The following PIK3AP1 variants were observed in gnomAD, a reference collection of about 807,000 sequenced individuals.
PIK3AP1 encodes the protein phosphoinositide-3-kinase adaptor protein 1.
A neutral mutation model predicts 88.1 loss-of-function variants in PIK3AP1; 21 were observed. The ratio of observed to expected loss-of-function variants is 0.24; its 90% CI spans 0.17 to 0.34. The LOEUF is 0.34. Ranked by LOEUF, PIK3AP1 falls within the 10% of genes least tolerant of loss-of-function variation. The probability of loss-of-function intolerance (pLI) is 1.00; values close to 1 mark genes in which losing one functional copy is unlikely to be tolerated. For synonymous variants in PIK3AP1, 398 were observed against 400.0 expected, an observed-to-expected ratio of 1.00 and a Z score of 0.06; for missense variants, 828 against 1,035.7, an observed-to-expected ratio of 0.80 and a Z score of 2.75.
intron 11 of PIK3AP1, among the ~76,000 whole-genome samples, chr10:96,621,864 T>G (rs1843088676): frequency 6.6e-6 from 1 of 152,238 alleles, no homozygotes; most frequent in Admixed American, 6.5e-5. Context: ...CATCCCTGGC[T>G]TCTACCCATT....
Position 96,595,526 on chromosome 10 carries a change from G to A in PIK3AP1, c.*51C>T. 1 of 1,523,952 alleles carries A rather than the reference G, an allele frequency of 6.6e-7. No individual in the cohort carries two copies. Among genetic ancestry groups the A allele is most frequent in the Middle Eastern group, 1.7e-4 (1 of 5,910 alleles). The allele number at this position is 1,523,952 out of a possible 1,614,324, so 94.4% of individuals were successfully genotyped here. A position where few individuals can be genotyped will look rare whatever the true frequency, so the allele number is the denominator to read the frequency against. On this transcript the variant is annotated 3_prime_UTR_variant, in exon 17 of 17. Coordinates refer to ENST00000339364, the MANE Select transcript of PIK3AP1 (RefSeq NM_152309.3). Reference sequence around the variant, plus strand: ...AACATGAAGACATCATTAACAGGCTGAAGACTGTGAGTCTTAAAGTCCTGA... The same window carrying A: ...AACATGAAGACATCATTAACAGGCTAAAGACTGTGAGTCTTAAAGTCCTGA...
In PIK3AP1 at chr10:96,709,716, G is replaced by A. The variant is rs2134291252; in HGVS notation, c.281C>T (p.Pro94Leu). 3 of 1,614,216 alleles carry A rather than the reference G, an allele frequency of 1.9e-6. No individual in the cohort carries two copies. The highest frequency in any genetic ancestry group is 2.5e-6 in the Non-Finnish European group (3 of 1,180,030). Residue 94 changes from proline (P) to leucine (L), a missense_variant, in exon 2 of 17, where the codon CCT becomes CTT. Transcript: ENST00000339364. ...GAGCAGCCTGACCACGCGGTGCGGA[G>A]GATGGAAAGCTCTCTGCAGCAGGGG... ...LLPLLQRAFHPPHRVVRLLCG... is the reference protein window; with the variant it reads ...LLPLLQRAFHLPHRVVRLLCG...
At chr10:96,629,660 T>C (rs1843210331) in intron 8 of PIK3AP1, among the ~76,000 whole-genome samples, 1 of 136,440 alleles carries the variant, frequency 7.3e-6, no homozygotes, top group African/African-American at 2.8e-5. Flanking sequence ...GAAGGATCAC[T>C]TGAGCCTAGG....
chr10:96,620,488 G>A lies in PIK3AP1; in HGVS notation c.1805C>T (p.Thr602Met), dbSNP rs1018719222. 3 of 1,613,912 alleles carry A rather than the reference G, an allele frequency of 1.9e-6. No homozygotes were observed. Among genetic ancestry groups the A allele is most frequent in the Non-Finnish European group, 8.5e-7 (1 of 1,180,030 alleles). Reference sequence around the variant, plus strand: ...GGTGATAAGCTGCCGCTGGCCTGGCGTTTTCATTCCCGCAAAAGGGTCATA... The same window carrying A: ...GGTGATAAGCTGCCGCTGGCCTGGCATTTTCATTCCCGCAAAAGGGTCATA... ...SIYDPFAGMK[T>M]PGQRQLITLQ... The change falls in exon 12 of 17, where the codon ACG becomes ATG. Residue 602 changes from threonine (T) to methionine (M), a missense_variant. Physicochemically the swap from Thr to Met is moderately conservative, Grantham distance 81 (BLOSUM62 -1). This residue lies in a region of PIK3AP1 where 27 missense variants were observed against 67.1 expected (regional missense o/e 0.40). Transcript: ENST00000339364.
chr10:96,616,543 G>A, intron 13 of PIK3AP1, 96 bp downstream of exon 13: 2 of 1,275,092 alleles, frequency 1.6e-6, no homozygotes, highest in Non-Finnish European at 2.3e-6. Flanking sequence ...TGCTGGGCAA[G>A]TGGTCTGCCC....
At chr10:96,651,143 C>T (rs1843531288) in intron 6 of PIK3AP1, 105 bp downstream of exon 6, 9 of 1,451,982 alleles carry the variant, frequency 6.2e-6, no homozygotes, top group Admixed American at 1.8e-5. Context: ...AGAAGGGACC[C>T]AGAAGAGTTA....
chr10:96,621,305 C>T (rs1291964603), intron 11 of PIK3AP1: 3 of 153,408 alleles, frequency 2.0e-5, no homozygotes, highest in Non-Finnish European at 4.4e-5. Flanking sequence ...CCTTGGAGTG[C>T]TTAATACCCA....
Position 96,628,486 on chromosome 10 carries a change from T to G in PIK3AP1, c.1383A>C (p.Glu461Asp), listed in dbSNP as rs1367352115. Reference sequence around the variant, plus strand: ...GGTTAGATGTACTGGCCTGAAGCATTTCAACATCTAGAAGGAAAAGGAGAC... The same window carrying G: ...GGTTAGATGTACTGGCCTGAAGCATGTCAACATCTAGAAGGAAAAGGAGAC... ...VPAATEDLYV[E>D]MLQASTSNPI... Residue 461 changes from glutamate to aspartate, a missense_variant, in exon 9 of 17, where the codon GAA (glutamate) becomes GAC (aspartate). Around this residue, in one of 3 missense-constraint regions of PIK3AP1, gnomAD observed 610 missense variants for 760.1 expected, o/e 0.80. Coordinates refer to ENST00000339364, the MANE Select transcript of PIK3AP1 (RefSeq NM_152309.3). The G allele has an allele frequency of 1.2e-6, 2 of 1,610,318 alleles. No homozygotes were observed. The highest frequency in any genetic ancestry group is 1.7e-6 in the Non-Finnish European group (2 of 1,176,590).
At chr10:96,660,746 G>C (rs1470987645) in intron 2 of PIK3AP1, among the ~76,000 whole-genome samples, 1 of 152,134 alleles carries the variant, frequency 6.6e-6, no homozygotes, top group African/African-American at 2.4e-5. Flanking sequence ...CCAAAACTTG[G>C]AAGTGACCAA....
intron 8 of PIK3AP1, among the ~76,000 whole-genome samples, chr10:96,629,836 A>G (rs1010201017): frequency 2.7e-5 from 4 of 146,438 alleles, no homozygotes; most frequent in African/African-American, 1.0e-4. Context: ...CAAGGCAGCA[A>G]TGAACTGTGA....
intron 2 of PIK3AP1, among the ~76,000 whole-genome samples, chr10:96,686,444 A>G (rs1330414754): frequency 6.6e-6 from 1 of 152,218 alleles, no homozygotes; most frequent in Non-Finnish European, 1.5e-5. Context: ...TTACCCGTGG[A>G]TGTACCGCAA....
At chr10:96,700,900 G>T in intron 2 of PIK3AP1, 1 of 985,120 alleles carries the variant, frequency 1.0e-6, no homozygotes, top group Non-Finnish European at 1.2e-6. Flanking sequence ...TGCCTGTGAC[G>T]CGCCAAGGCC....
At chr10:96,706,228 T>TA (rs1483807376) in intron 2 of PIK3AP1, among the ~76,000 whole-genome samples, 1 of 152,156 alleles carries the variant, frequency 6.6e-6, no homozygotes, top group Non-Finnish European at 1.5e-5. Flanking sequence ...TTCTTTTTTT[T>TA]AACAGAGAAA....
At chr10:96,668,679 A>G (rs1297068987) in intron 2 of PIK3AP1, among the ~76,000 whole-genome samples, 1 of 152,246 alleles carries the variant, frequency 6.6e-6, no homozygotes, top group Non-Finnish European at 1.5e-5. Context: ...ATCGTGGTTC[A>G]TGTCCAAGAC....
chr10:96,628,889 C>CATATACACATATACAT (rs1554955371), intron 8 of PIK3AP1, among the ~76,000 whole-genome samples: 4 of 60,852 alleles, frequency 6.6e-5, no homozygotes, highest in Non-Finnish European at 9.3e-5. Flanking sequence ...TATATATATA[C>CATATACACATATACAT]ATATATATAT....
intron 14 of PIK3AP1, among the ~76,000 whole-genome samples, chr10:96,606,978 GA>G (rs1329960046): frequency 6.6e-6 from 1 of 152,220 alleles, no homozygotes; most frequent in Non-Finnish European, 1.5e-5. Context: ...GACAACCTAG[GA>G]GGTCAACAGC....
At chr10:96,662,048 A>C (rs1288999445) in intron 2 of PIK3AP1, among the ~76,000 whole-genome samples, 1 of 152,366 alleles carries the variant, frequency 6.6e-6, no homozygotes, top group East Asian at 1.9e-4. Context: ...AACAAACAAA[A>C]ATCACAATCT....
At chr10:96,702,787 T>C (rs1844315575) in intron 2 of PIK3AP1, among the ~76,000 whole-genome samples, 1 of 152,218 alleles carries the variant, frequency 6.6e-6, no homozygotes, top group South Asian at 2.1e-4. Flanking sequence ...TCAATAAAAC[T>C]AGAAAATATT....
intron 8 of PIK3AP1, among the ~76,000 whole-genome samples, chr10:96,631,156 G>C (rs1279197977): frequency 6.6e-6 from 1 of 152,150 alleles, no homozygotes; most frequent in Non-Finnish European, 1.5e-5. Flanking sequence ...ATACTGCCCA[G>C]TGCTGAACCC....
Sources: gnomAD v4.1 joint callset for allele counts (sites outside exome capture counted in the v4.1 genomes callset) on GRCh38, gnomAD v4.1.1 for gene constraint, gnomAD v4.1.1 regional missense constraint, MANE v1.5 for transcripts, NCBI Gene and HGNC (gene_info 2026-07-23, HGNC 2026-07-21) for gene names.